SCD5: variants seen among roughly 807,000 people sequenced by gnomAD.
SCD5 encodes the protein acyl-CoA-desaturase 4.
SCD5 carries 20 observed loss-of-function variants against 30.4 expected under a neutral mutation model. That is an observed-to-expected ratio of 0.66 (90% confidence interval 0.46 to 0.96). The LOEUF is 0.96. Among genes scored for constraint, SCD5 ranks in the 40% least tolerant of loss-of-function variants. The pLI, the probability that SCD5 is intolerant of heterozygous loss-of-function variation, is 0.00. For missense variants in SCD5, 381 were observed against 443.3 expected, an observed-to-expected ratio of 0.86 and a Z score of 1.26; for synonymous variants, 173 against 176.4, an observed-to-expected ratio of 0.98 and a Z score of 0.16.
intron 2 of SCD5, among the ~76,000 whole-genome samples, chr4:82,696,511 G>A (rs1163569153): frequency 6.6e-6 from 1 of 152,142 alleles, no homozygotes; most frequent in Non-Finnish European, 1.5e-5. Flanking sequence ...TAATGTCTGG[G>A]AACAAGGCTT....
At chr4:82,635,825 A>C (rs1727417399) in intron 4 of SCD5, among the ~76,000 whole-genome samples, 1 of 152,122 alleles carries the variant, frequency 6.6e-6, no homozygotes, top group African/African-American at 2.4e-5. Flanking sequence ...ACTCAACCAA[A>C]GTCGCTGACT....
At position 82,679,230 on chromosome 4, in the gene SCD5, A is replaced by AAGAAAGAGAGAGAGAG. The variant is rs1560531618; in HGVS notation, c.569+1476_569+1477insCTCTCTCTCTCTTTCT. On this transcript the variant is annotated intron_variant, in intron 3 of 4. Coordinates refer to ENST00000319540, the MANE Select transcript of SCD5 (RefSeq NM_001037582.3). The stretch of plus-strand genomic sequence containing the variant: ...AAAAAAAAAAGAAAGAAAAGAAAGA[A>AAGAAAGAGAGAGAGAG]AGAAAGAAAGAAAGAAAGAAAGAAA... Among the ~76,000 whole-genome samples the AAGAAAGAGAGAGAGAG allele has an allele frequency of 1.2e-4, 4 of 34,000 alleles. 1 individual carries two copies. The highest frequency in any genetic ancestry group is 3.1e-4 in the African/African-American group (3 of 9,574). The allele number at this position is 34,000 out of a possible 152,430, so 22.3% of individuals were successfully genotyped here. A position where few individuals can be genotyped will look rare whatever the true frequency, so the allele number is the denominator to read the frequency against.
At position 82,798,442 on chromosome 4, in the gene SCD5, G is replaced by A. The variant is rs1382042090; in HGVS notation, c.96C>T (p.Gly32=). 2.5e-6 allele frequency: 4 copies of A among 1,612,804 alleles called. No individual in the cohort carries two copies. The highest frequency in any genetic ancestry group is 3.4e-6 in the Non-Finnish European group (4 of 1,179,532). The change falls in exon 1 of 5, where the codon GGC becomes GGT. Residue 32 remains glycine (G), a synonymous_variant. Transcript: ENST00000319540. ...GCCCGCGCGCGCCTGGCCTCTCCGGGCCGCCGCCGCCCTCAGAGCTTTCGA... is the reference window on the plus strand; with the variant it reads ...GCCCGCGCGCGCCTGGCCTCTCCGGACCGCCGCCGCCCTCAGAGCTTTCGA... ...AGLESSEGGG[G]PERPGARGQR...
At chr4:82,781,693 A>C (rs1721876544) in intron 1 of SCD5, among the ~76,000 whole-genome samples, 1 of 152,158 alleles carries the variant, frequency 6.6e-6, no homozygotes, top group African/African-American at 2.4e-5. Context: ...TAAAAGGATG[A>C]GGTGGGCTCC....
intron 1 of SCD5, among the ~76,000 whole-genome samples, chr4:82,778,888 T>C (rs957904502): frequency 1.8e-4 from 27 of 150,726 alleles, no homozygotes; most frequent in African/African-American, 6.4e-4. Context: ...TTTTTTGAGA[T>C]GGAGTTTCGC....
In SCD5 at chr4:82,688,577, C is replaced by T. The variant is rs182968955; in HGVS notation, c.364-7665G>A. Among the ~76,000 whole-genome samples the T allele has an allele frequency of 9.7e-4, 147 of 152,268 alleles. 1 individual carries two copies. Among genetic ancestry groups the T allele is most frequent in the African/African-American group, 3.5e-3 (144 of 41,556 alleles). ...ATTTCTCTCCAGATAATAGGCTAATCTGTAAGAATATCCCAGAAAGTCCCC... is the reference window on the plus strand; with the variant it reads ...ATTTCTCTCCAGATAATAGGCTAATTTGTAAGAATATCCCAGAAAGTCCCC... On this transcript the variant is annotated intron_variant, in intron 2 of 4. Coordinates refer to ENST00000319540, the MANE Select transcript of SCD5 (RefSeq NM_001037582.3).
intron 4 of SCD5, among the ~76,000 whole-genome samples, chr4:82,636,356 C>G (rs1265177111): frequency 1.3e-5 from 2 of 150,994 alleles, no homozygotes; most frequent in African/African-American, 4.9e-5. Context: ...GAGGCTGAGG[C>G]AGGAGAATTG....
intron 3 of SCD5, among the ~76,000 whole-genome samples, chr4:82,637,788 T>C (rs1727463734): frequency 6.6e-6 from 1 of 152,224 alleles, no homozygotes; most frequent in African/African-American, 2.4e-5. Flanking sequence ...ATTTGGTAGG[T>C]GGAAGACTCT....
intron 3 of SCD5, among the ~76,000 whole-genome samples, chr4:82,662,848 A>G (rs1471210829): frequency 1.4e-5 from 2 of 139,548 alleles, no homozygotes; most frequent in African/African-American, 5.4e-5. Context: ...CAACGAGCAA[A>G]CTCCGTCTCA....
At chr4:82,746,111 C>T (rs1362414645) in intron 1 of SCD5, among the ~76,000 whole-genome samples, 7 of 152,182 alleles carry the variant, frequency 4.6e-5, no homozygotes, top group African/African-American at 1.7e-4. Flanking sequence ...GAAACTGTTA[C>T]CCACAGTCCA....
chr4:82,631,356 T>C lies in SCD5; in HGVS notation c.964A>G (p.Lys322Glu). The C allele has an allele frequency of 1.9e-6, 3 of 1,614,082 alleles. No individual in the cohort carries two copies. Among genetic ancestry groups the C allele is most frequent in the Non-Finnish European group, 2.5e-6 (3 of 1,180,004 alleles). The change falls in exon 5 of 5, where the codon AAG (lysine) becomes GAG (glutamate). Residue 322 changes from lysine to glutamate, a missense_variant. By Grantham distance (56) the Lys-to-Glu change is moderately conservative. Coordinates refer to ENST00000319540, the MANE Select transcript of SCD5 (RefSeq NM_001037582.3). ...GCACTGCTGTCTCCAGTCCTGGCCT[T>C]CCGGGCCTCGATCATCGGCTTGGTT... ...RATKPMIEAR[K>E]ARTGDSSA
At chr4:82,789,816 G>A (rs1047635408) in intron 1 of SCD5, among the ~76,000 whole-genome samples, 6 of 152,126 alleles carry the variant, frequency 3.9e-5, no homozygotes, top group African/African-American at 1.4e-4. Flanking sequence ...AGGGGGAATG[G>A]GAACAACCCC....
At chr4:82,751,324 T>C (rs1721097048) in intron 1 of SCD5, among the ~76,000 whole-genome samples, 2 of 152,088 alleles carry the variant, frequency 1.3e-5, no homozygotes, top group Non-Finnish European at 2.9e-5. Flanking sequence ...GCCTCCTTAG[T>C]AGCTAGGACT....
chr4:82,770,565 T>A (rs555564593), intron 1 of SCD5, among the ~76,000 whole-genome samples: 77 of 152,356 alleles, frequency 5.1e-4, no homozygotes, highest in African/African-American at 1.5e-3. Flanking sequence ...TTATTTCAAA[T>A]CCTCTTTATT....
intron 1 of SCD5, among the ~76,000 whole-genome samples, chr4:82,738,326 G>A (rs182057379): frequency 9.6e-4 from 145 of 150,382 alleles, no homozygotes; most frequent in Middle Eastern, 3.4e-3. Flanking sequence ...GGAGACTGAG[G>A]CAGGAAAATC....
At chr4:82,775,544 T>C (rs1001472321) in intron 1 of SCD5, 2 of 152,248 alleles carry the variant, frequency 1.3e-5, no homozygotes, top group African/African-American at 4.8e-5. Flanking sequence ...CTGCACCTGA[T>C]GCATGTTCAA....
intron 4 of SCD5, among the ~76,000 whole-genome samples, chr4:82,634,863 A>G (rs1727391970): frequency 6.6e-6 from 1 of 152,244 alleles, no homozygotes. Context: ...GGGGAAAGCC[A>G]TAGGAAGGGT....
At chr4:82,741,918 G>A (rs937277699) in intron 1 of SCD5, among the ~76,000 whole-genome samples, 1 of 151,464 alleles carries the variant, frequency 6.6e-6, no homozygotes, top group Non-Finnish European at 1.5e-5. Context: ...GAGCTGTAGT[G>A]TCCCCCTTAA....
intron 3 of SCD5, among the ~76,000 whole-genome samples, chr4:82,652,580 A>T (rs966288876): frequency 6.6e-6 from 1 of 152,202 alleles, no homozygotes; most frequent in Non-Finnish European, 1.5e-5. Flanking sequence ...AGAGATAAGG[A>T]AGAGGAATTT....
Sources: allele counts gnomAD v4.1 joint callset (sites outside exome capture counted in the v4.1 genomes callset), GRCh38; gene constraint gnomAD v4.1.1; transcripts MANE v1.5; gene names NCBI Gene and HGNC (gene_info 2026-07-23, HGNC 2026-07-21).